DRC1: variants seen among roughly 807,000 people sequenced by gnomAD.
DRC1 encodes the protein dynein regulatory complex subunit 1, also known as dynein regulatory complex protein 1.
Under a neutral mutation model 98.7 loss-of-function variants are expected in DRC1, and 74 were observed. The observed-to-expected ratio is 0.75, with a 90% CI of 0.62 to 0.91. DRC1 has a LOEUF of 0.91. Ranked by LOEUF, DRC1 falls within the 40% of genes least tolerant of loss-of-function variation. The pLI is 0.00. For synonymous variants in DRC1, 336 were observed against 334.1 expected, an observed-to-expected ratio of 1.01 and a Z score of -0.06; for missense variants, 875 against 886.0, an observed-to-expected ratio of 0.99 and a Z score of 0.16.
intron 13 of DRC1, among the ~76,000 whole-genome samples, chr2:26,452,277 A>G (rs1289778982): frequency 1.3e-5 from 2 of 151,980 alleles, no homozygotes; most frequent in African/African-American, 4.8e-5. Context: ...TTTTTTTGAG[A>G]CAGAGTCTCA....
At chr2:26,433,277 T>C (rs1188795933) in intron 7 of DRC1, among the ~76,000 whole-genome samples, 2 of 152,252 alleles carry the variant, frequency 1.3e-5, no homozygotes, top group Non-Finnish European at 2.9e-5. Context: ...TTTCAGTCTC[T>C]ATGTAGAAAA....
intron 7 of DRC1, among the ~76,000 whole-genome samples, chr2:26,436,515 G>T (rs1663574972): frequency 6.6e-6 from 1 of 152,052 alleles, no homozygotes; most frequent in Non-Finnish European, 1.5e-5. Flanking sequence ...TTCTCACTTT[G>T]TTGCCCAGGG....
Position 26,450,043 on chromosome 2 carries a change from G to A in DRC1, c.1557G>A (p.Glu519=). 1 of 1,613,872 alleles carries A rather than the reference G, an allele frequency of 6.2e-7. No homozygotes were observed. The highest frequency in any genetic ancestry group is 1.3e-5 in the African/African-American group (1 of 75,032). ...TGCTGAGCCTTCTCCTGCCCCTGGA[G>A]CAGAATGAATGCTATCTGCTGAGGC... ...SKLLSLLLPL[E]QNECYLLRLD... Residue 519 remains glutamate (E), a synonymous_variant, in exon 12 of 17, where the codon GAG becomes GAA. Transcript: ENST00000288710.
Position 26,453,364 on chromosome 2 carries a change from G to A in DRC1, c.1734G>A (p.Glu578=). ...CGAGCATGGAGAAGGCGAGCATGGA[G>A]GAGACAAGCACGAGGTCAGAATTGG... The part of the protein sequence containing the change: ...SQASMEKASM[E]ETSTRSELEL... Residue 578 remains glutamate, a synonymous_variant, in exon 14 of 17, where the codon GAG becomes GAA. Transcript: ENST00000288710. The A allele has an allele frequency of 6.2e-7, 1 of 1,614,196 alleles. No individual in the cohort carries two copies. Among genetic ancestry groups the A allele is most frequent in the Non-Finnish European group, 8.5e-7 (1 of 1,180,038 alleles).
At chr2:26,429,405 C>T (rs776565372) in intron 4 of DRC1, among the ~76,000 whole-genome samples, 4 of 151,746 alleles carry the variant, frequency 2.6e-5, no homozygotes, top group Non-Finnish European at 4.4e-5. Flanking sequence ...TTTGTAGAGA[C>T]AGAGTTTTGC....
At chr2:26,426,026 G>A (rs948132974) in intron 4 of DRC1, among the ~76,000 whole-genome samples, 3 of 152,124 alleles carry the variant, frequency 2.0e-5, no homozygotes, top group Non-Finnish European at 4.4e-5. Context: ...TCTTCTAGGA[G>A]TTTAATAGTT....
chr2:26,416,149 A>G (rs187426508), intron 2 of DRC1, among the ~76,000 whole-genome samples: 153 of 152,270 alleles, frequency 1.0e-3, no homozygotes, highest in African/African-American at 3.5e-3. Context: ...TCAAGGAGAA[A>G]TGTACACAAA....
At chr2:26,404,357 ATTATT>A (rs1678352570) in intron 1 of DRC1, among the ~76,000 whole-genome samples, 1 of 152,144 alleles carries the variant, frequency 6.6e-6, no homozygotes, top group South Asian at 2.1e-4. Flanking sequence ...GAACTTCCTG[ATTATT>A]TTTCCTGATT....
chr2:26,435,562 T>C (rs569550235), intron 7 of DRC1, among the ~76,000 whole-genome samples: 1 of 152,252 alleles, frequency 6.6e-6, no homozygotes, highest in East Asian at 1.9e-4. Flanking sequence ...TTTGATCCTC[T>C]CCCTGCTCCC....
chr2:26,431,797 CCT>C (rs1391099817), intron 6 of DRC1, 85 bp from the exon 7 acceptor site: 76 of 1,567,298 alleles, frequency 4.8e-5, no homozygotes, highest in Non-Finnish European at 6.1e-5. Context: ...CAAACTCTCC[CCT>C]GTGTCATGCT....
intron 13 of DRC1, 122 bp downstream of exon 13, chr2:26,450,803 A>G: frequency 1.4e-6 from 1 of 738,900 alleles, no homozygotes; most frequent in Non-Finnish European, 1.9e-6. Flanking sequence ...ATAGGTATAC[A>G]TGTGCTCTGG....
chr2:26,430,543 A>G, intron 5 of DRC1: 1 of 582,452 alleles, frequency 1.7e-6, no homozygotes. Flanking sequence ...GATATTGACT[A>G]AGCCACGGGA....
chr2:26,433,653 A>G (rs938610020), intron 7 of DRC1, among the ~76,000 whole-genome samples: 4 of 152,216 alleles, frequency 2.6e-5, no homozygotes, highest in Admixed American at 2.0e-4. Context: ...CCAATGTCCA[A>G]ATATTTGAGT....
chr2:26,438,520 T>C (rs1295533252), intron 7 of DRC1, among the ~76,000 whole-genome samples: 1 of 152,196 alleles, frequency 6.6e-6, no homozygotes, highest in African/African-American at 2.4e-5. Flanking sequence ...TTAAAAGATA[T>C]TACAGGCTTC....
At chr2:26,403,960 C>T (rs966701120) in intron 1 of DRC1, among the ~76,000 whole-genome samples, 3 of 150,646 alleles carry the variant, frequency 2.0e-5, no homozygotes, top group Non-Finnish European at 3.0e-5. Flanking sequence ...ATTAGCCAGG[C>T]ATGGTGGCGC....
chr2:26,426,892 A>G (rs1362075538), intron 4 of DRC1, among the ~76,000 whole-genome samples: 2 of 152,220 alleles, frequency 1.3e-5, no homozygotes, highest in South Asian at 4.1e-4. Context: ...CATCCAGTTC[A>G]TAAGCACAGG....
At chr2:26,431,792 T>G (rs768836266) in intron 6 of DRC1, 92 bp from the exon 7 acceptor site, 25 of 1,547,350 alleles carry the variant, frequency 1.6e-5, no homozygotes, top group Non-Finnish European at 2.1e-5. Flanking sequence ...ACTTCCAAAC[T>G]CTCCCCTGTG....
At chr2:26,435,366 A>G (rs1218539472) in intron 7 of DRC1, among the ~76,000 whole-genome samples, 2 of 152,210 alleles carry the variant, frequency 1.3e-5, no homozygotes, top group Non-Finnish European at 2.9e-5. Context: ...TTGCAAAAAT[A>G]TCTTTGGATA....
chr2:26,404,397 C>T lies in DRC1; in HGVS notation c.155+2253C>T, dbSNP rs544077021. Among the ~76,000 whole-genome samples, 83 of 152,082 alleles carry T rather than the reference C, an allele frequency of 5.5e-4. No individual in the cohort carries two copies. The South Asian group carries it at 0.017, about 31-fold the overall frequency. ...TGAGGTAGAAAAGCATGCATTTGGC[C>T]CAATCAGTAGCCACACATACTGTGC... On this transcript the variant is annotated intron_variant, in intron 1 of 16. Coordinates refer to ENST00000288710, the MANE Select transcript of DRC1 (RefSeq NM_145038.5).
Sources: gnomAD v4.1 joint callset for allele counts (sites outside exome capture counted in the v4.1 genomes callset) on GRCh38, gnomAD v4.1.1 for gene constraint, MANE v1.5 for transcripts, NCBI Gene and HGNC (gene_info 2026-07-23, HGNC 2026-07-21) for gene names.